Variants in UNC80 observed in about 807,000 individuals in gnomAD.
UNC80 encodes protein unc-80 homolog.
Under a neutral mutation model 384.6 loss-of-function variants are expected in UNC80, and 164 were observed. That is an observed-to-expected ratio of 0.43 (90% CI 0.38 to 0.49). The LOEUF (loss-of-function observed/expected upper bound fraction) is 0.49, where lower values mean the gene tolerates loss of function less well. Among genes scored for constraint, UNC80 ranks in the 20% least tolerant of loss-of-function variants. UNC80 has a pLI of 0.00. For missense variants in UNC80, 3,330 were observed against 4,143.0 expected (o/e 0.80, Z 5.39); for synonymous variants, 1,486 against 1,527.8 (o/e 0.97, Z 0.64).
chr2:209,961,923 T>G (rs1196254440), intron 51 of UNC80, among the ~76,000 whole-genome samples: 1 of 152,162 alleles, frequency 6.6e-6, no homozygotes, highest in Non-Finnish European at 1.5e-5. Flanking sequence ...CAGGGGAAGC[T>G]CTCCATTTTT....
chr2:209,777,221 G>T (rs191665317), intron 3 of UNC80, 37 bp from the exon 4 acceptor site: 12 of 1,538,732 alleles, frequency 7.8e-6, no homozygotes, highest in African/African-American at 1.4e-5. Context: ...TGGTCACAGA[G>T]TTTTTCTTAA....
chr2:209,772,237 TGCCGCC>T, intron 1 of UNC80, 73 bp downstream of exon 1: 1 of 854,960 alleles, frequency 1.2e-6, no homozygotes, highest in Non-Finnish European at 1.5e-6. Context: ...GGGTCGCCGC[TGCCGCC>T]GCCGCCGCTG....
intron 10 of UNC80, among the ~76,000 whole-genome samples, chr2:209,817,580 C>T (rs138158320): frequency 1.7e-3 from 256 of 152,044 alleles, no homozygotes; most frequent in African/African-American, 6.0e-3. Context: ...CCACAACAGA[C>T]GGTTTCTGAC....
intron 5 of UNC80, among the ~76,000 whole-genome samples, chr2:209,787,018 T>TATATATATAC (rs1000814946): frequency 1.3e-4 from 17 of 128,598 alleles, no homozygotes; most frequent in African/African-American, 5.1e-4. Flanking sequence ...TATATATATA[T>TATATATATAC]ACCTATATAT....
Position 209,939,459 on chromosome 2 carries a change from T to G in UNC80, c.6466-13T>G, listed in dbSNP as rs1241728022. ...TACTCCTTTTTGTCTGCTCCTGCTT[T>G]TGTTTTCTCCAGGTGTTCACCCGAA... On this transcript the variant is annotated splice_polypyrimidine_tract_variant and intron_variant, in intron 42 of 64. Transcript: ENST00000673920. 6.5e-7 allele frequency: 1 copy of G among 1,540,806 alleles called. No homozygotes were observed. The highest frequency in any genetic ancestry group is 2.5e-5 in the East Asian group (1 of 40,782).
At chr2:209,846,477 G>A (rs1166459595) in intron 21 of UNC80, among the ~76,000 whole-genome samples, 1 of 151,878 alleles carries the variant, frequency 6.6e-6, no homozygotes, top group African/African-American at 2.4e-5. Context: ...AACACAATGG[G>A]AAATGCTGCT....
intron 22 of UNC80, among the ~76,000 whole-genome samples, chr2:209,871,049 C>T (rs1344012826): frequency 6.6e-6 from 1 of 152,066 alleles, no homozygotes; most frequent in Non-Finnish European, 1.5e-5. Flanking sequence ...AATCACAAAG[C>T]TTGGATATCT....
In UNC80 at chr2:209,866,490, C is replaced by CCACA. The variant is rs71409845; in HGVS notation, c.3628-6227_3628-6224dup. On this transcript the variant is annotated intron_variant, in intron 22 of 64. Coordinates refer to ENST00000673920, the MANE Select transcript of UNC80 (RefSeq NM_001371986.1). Reference sequence around the variant, plus strand: ...ACATTCCATAATACAAAATGCACCCCCACACACACACACACACACACACAC... The same window carrying CCACA: ...ACATTCCATAATACAAAATGCACCCCCACACACACACACACACACACACACACAC... 8.3e-3 allele frequency among the ~76,000 whole-genome samples: 889 copies of CCACA among 107,244 alleles called. 5 individuals carry two copies. The highest frequency in any genetic ancestry group is 0.057 in the Middle Eastern group (10 of 174). The allele number at this position is 107,244 out of a possible 152,430, so 70.4% of individuals were successfully genotyped here.
rs1199511838 is a variant in UNC80 at position 209,973,858 on chromosome 2, C to G, written c.8587+588C>G. Among the ~76,000 whole-genome samples, 3 of 152,190 alleles carry G rather than the reference C, an allele frequency of 2.0e-5. No individual in the cohort carries two copies. The East Asian group carries it at 5.8e-4, about 29-fold the overall frequency. ...AGCTCTTTTTCCTCCCTTAACATGTCTTTAATCTCCATTTTGATCATTACT... is the reference window on the plus strand; with the variant it reads ...AGCTCTTTTTCCTCCCTTAACATGTGTTTAATCTCCATTTTGATCATTACT... On this transcript the variant is annotated intron_variant, in intron 56 of 64. Transcript: ENST00000673920.
chr2:209,776,182 C>T (rs1229572254), intron 3 of UNC80, 137 bp downstream of exon 3: 5 of 1,107,134 alleles, frequency 4.5e-6, no homozygotes, highest in East Asian at 2.5e-5. Flanking sequence ...TCACAAAATC[C>T]TCCTCACACT....
intron 23 of UNC80, among the ~76,000 whole-genome samples, chr2:209,874,068 A>AG (rs2084551490): frequency 1.3e-5 from 2 of 152,096 alleles, no homozygotes; most frequent in Non-Finnish European, 2.9e-5. Context: ...TGCCCTTTTC[A>AG]GGCTTCGATT....
chr2:209,796,907 C>A (rs190561145), intron 7 of UNC80, among the ~76,000 whole-genome samples: 1 of 152,226 alleles, frequency 6.6e-6, no homozygotes, highest in Non-Finnish European at 1.5e-5. Flanking sequence ...GTGCAACTAC[C>A]ACTACAATCC....
In UNC80 at chr2:209,985,967, AC is replaced by A. The variant is rs574056961; in HGVS notation, c.9314+1058del. Among the ~76,000 whole-genome samples the A allele has an allele frequency of 2.7e-4, 41 of 152,054 alleles. No homozygotes were observed. The East Asian group carries it at 7.7e-3, about 29-fold the overall frequency. ...TCGGGTGTATTTTTTTTTTAACCAG[AC>A]CCATAATTCATGACATTCGTGTTTG... is the stretch of plus-strand genomic sequence containing the variant. On this transcript the variant is annotated intron_variant, in intron 61 of 64. Transcript: ENST00000673920.
rs145680005 is a variant in UNC80, at chr2:209,788,119, T to C, written c.725-1413T>C. On this transcript the variant is annotated intron_variant, in intron 5 of 64. Transcript: ENST00000673920. ...TGAGTAAGCAGTAGCTGCACTTGTT[T>C]TAAAACAAAAAAGTTGGCCGGGCGC... is the stretch of plus-strand genomic sequence containing the variant. Among the ~76,000 whole-genome samples, 357 of 152,222 alleles carry C rather than the reference T, an allele frequency of 2.3e-3. 3 individuals are homozygous for C. The highest frequency in any genetic ancestry group is 8.3e-3 in the African/African-American group (345 of 41,544).
Position 209,997,246 on chromosome 2 carries a change from A to T in UNC80, c.*1651A>T, listed in dbSNP as rs1356323794. 6.6e-6 allele frequency: 1 copy of T among 152,174 alleles called. No homozygotes were observed. Among genetic ancestry groups the T allele is most frequent in the African/African-American group, 2.4e-5 (1 of 41,452 alleles). The allele number at this position is 152,174 out of a possible 1,614,324, so 9.4% of individuals were successfully genotyped here. On this transcript the variant is annotated 3_prime_UTR_variant, in exon 65 of 65. Transcript: ENST00000673920. ...AATTGAAAGAAAATTGAGGCAGTAA[A>T]TGACCTCTTTTACTCTTTTATGTTT...
chr2:209,935,637 T>C, intron 39 of UNC80, 77 bp from the exon 40 acceptor site: 1 of 634,062 alleles, frequency 1.6e-6, no homozygotes, highest in Non-Finnish European at 2.5e-6. Flanking sequence ...TTATTGATAA[T>C]ATTTTAATAT....
chr2:209,933,332 T>C (rs1039094829), intron 38 of UNC80, among the ~76,000 whole-genome samples: 5 of 152,196 alleles, frequency 3.3e-5, no homozygotes, highest in South Asian at 2.1e-4. Context: ...ACAAACCTCA[T>C]GACACACATT....
chr2:209,992,037 C>A, intron 61 of UNC80, 129 bp from the exon 62 acceptor site: 1 of 686,610 alleles, frequency 1.5e-6, no homozygotes, highest in Non-Finnish European at 2.3e-6. Flanking sequence ...GGGACTCTCC[C>A]AACCATCCTT....
intron 60 of UNC80, among the ~76,000 whole-genome samples, chr2:209,984,654 T>A (rs2093242980): frequency 6.6e-6 from 1 of 152,092 alleles, no homozygotes; most frequent in South Asian, 2.1e-4. Flanking sequence ...CCAAAGCCCT[T>A]CCTCCCCCAT....
Sources: gnomAD v4.1 joint callset for allele counts (sites outside exome capture counted in the v4.1 genomes callset) on GRCh38, gnomAD v4.1.1 for gene constraint, MANE v1.5 for transcripts, NCBI Gene and HGNC (gene_info 2026-07-23, HGNC 2026-07-21) for gene names.